GLI2: variants seen among roughly 807,000 people sequenced by gnomAD.
The protein encoded by GLI2 is GLI family zinc finger 2, also known as transcription activator GLI2.
Under a neutral mutation model 78.9 loss-of-function variants are expected in GLI2, and 22 were observed. That is an observed-to-expected ratio of 0.28 (90% CI 0.20 to 0.40). GLI2 has a LOEUF of 0.40. Ranked by LOEUF, GLI2 falls within the 10% of genes least tolerant of loss-of-function variation. The pLI is 1.00. For missense variants in GLI2, 2,097 were observed against 2,213.2 expected (o/e 0.95, Z 1.05); for synonymous variants, 974 against 963.7 (o/e 1.01, Z -0.20).
At chr2:120,802,799 C>T (rs562600769) in intron 2 of GLI2, among the ~76,000 whole-genome samples, 8 of 152,350 alleles carry the variant, frequency 5.3e-5, no homozygotes, top group African/African-American at 1.7e-4. Flanking sequence ...ATGGCCAACG[C>T]CCACCTCTTC....
chr2:120,989,668 C>A lies in GLI2; in HGVS notation c.3703C>A (p.Pro1235Thr), dbSNP rs1334252087. 6.2e-7 allele frequency: 1 copy of A among 1,613,438 alleles called. No individual in the cohort carries two copies. The highest frequency in any genetic ancestry group is 1.7e-5 in the Admixed American group (1 of 60,032). Residue 1235 changes from proline (P) to threonine (T), a missense_variant, in exon 14 of 14, where the codon CCC becomes ACC. Physicochemically the swap from Pro to Thr is conservative, Grantham distance 38. This residue lies in a region of GLI2 where 1,290 missense variants were observed against 1,261.7 expected (regional missense o/e 1.02). Coordinates refer to ENST00000361492, the MANE Select transcript of GLI2 (RefSeq NM_001374353.1). ...SPHACYGQVH[P>T]QLSPSTISGA... ...CCATGCCTGCTATGGCCAAGTCCACCCCCAGCTGAGCCCCAGCACCATCAG... is the reference window on the plus strand; with the variant it reads ...CCATGCCTGCTATGGCCAAGTCCACACCCAGCTGAGCCCCAGCACCATCAG...
At chr2:120,892,126 A>G (rs1357124066) in intron 2 of GLI2, among the ~76,000 whole-genome samples, 1 of 152,050 alleles carries the variant, frequency 6.6e-6, no homozygotes, top group Non-Finnish European at 1.5e-5. Flanking sequence ...TCGGGCCCCC[A>G]TCCACCTCTC....
intron 1 of GLI2, among the ~76,000 whole-genome samples, chr2:120,751,614 G>GA (rs1682876182): frequency 6.6e-6 from 1 of 152,076 alleles, no homozygotes; most frequent in Non-Finnish European, 1.5e-5. Flanking sequence ...TTCTTGAAAA[G>GA]AGGAAAAGAA....
intron 2 of GLI2, among the ~76,000 whole-genome samples, chr2:120,893,698 C>T (rs1236311434): frequency 1.3e-5 from 2 of 151,490 alleles, no homozygotes; most frequent in Non-Finnish European, 2.9e-5. Context: ...CAAGTTCCCC[C>T]CAACCCCCCA....
chr2:120,743,959 C>T (rs1210163757), intron 1 of GLI2, among the ~76,000 whole-genome samples: 1 of 152,242 alleles, frequency 6.6e-6, no homozygotes, highest in East Asian at 1.9e-4. Context: ...CCTCTCCTTG[C>T]TGGCCACTCT....
At chr2:120,974,858 C>A in intron 8 of GLI2, 117 bp from the exon 9 acceptor site, 4 of 1,426,388 alleles carry the variant, frequency 2.8e-6, no homozygotes, top group Non-Finnish European at 4.0e-6. Flanking sequence ...ACACTTGCAT[C>A]CACACCTGTA....
intron 2 of GLI2, among the ~76,000 whole-genome samples, chr2:120,873,822 C>T (rs1254764221): frequency 6.6e-6 from 1 of 152,120 alleles, no homozygotes; most frequent in Non-Finnish European, 1.5e-5. Flanking sequence ...TGAAATGGAC[C>T]GACATAAAAT....
rs968916447 is a variant in GLI2 at position 120,925,122 on chromosome 2, G to A, written c.149-2239G>A. 2.0e-5 allele frequency among the ~76,000 whole-genome samples: 3 copies of A among 152,226 alleles called. No homozygotes were observed. In the East Asian group the frequency reaches 5.8e-4, roughly 29 times the overall value. ...ACAGCCACATGCCCGGCTCACCTGT[G>A]CAGGGCCAGGGCCTCAGAGAAAAGG... On this transcript the variant is annotated intron_variant, in intron 2 of 13. Transcript: ENST00000361492.
At chr2:120,933,284 C>T (rs1680029936) in intron 3 of GLI2, among the ~76,000 whole-genome samples, 1 of 152,162 alleles carries the variant, frequency 6.6e-6, no homozygotes, top group Non-Finnish European at 1.5e-5. Context: ...AAATGCACAG[C>T]AGGCTTGCAT....
chr2:120,967,898 A>G (rs1350179783), intron 5 of GLI2, among the ~76,000 whole-genome samples: 1 of 152,184 alleles, frequency 6.6e-6, no homozygotes, highest in African/African-American at 2.4e-5. Flanking sequence ...CAGGCTGCCC[A>G]GTAGGCTCTG....
At chr2:120,840,382 T>C (rs568478011) in intron 2 of GLI2, among the ~76,000 whole-genome samples, 6 of 152,198 alleles carry the variant, frequency 3.9e-5, no homozygotes, top group African/African-American at 1.4e-4. Flanking sequence ...CTGGTGACTC[T>C]TGTGTGTGTG....
Position 120,797,282 on chromosome 2 carries a change from C to T in GLI2, c.-30-9C>T, listed in dbSNP as rs1412350051. On this transcript the variant is annotated splice_polypyrimidine_tract_variant and intron_variant, in intron 1 of 13. Transcript: ENST00000361492. ...CAGTGTTGGTGAGTGTCTTTGTCTT[C>T]TCTTTTAGGATTGCCACCCAGGACG... 2.1e-5 allele frequency: 34 copies of T among 1,611,738 alleles called. No homozygotes were observed. Among genetic ancestry groups the T allele is most frequent in the Non-Finnish European group, 2.9e-5 (34 of 1,178,184 alleles).
chr2:120,767,614 T>A (rs1490499320), intron 1 of GLI2, among the ~76,000 whole-genome samples: 2 of 152,186 alleles, frequency 1.3e-5, no homozygotes, highest in African/African-American at 2.4e-5. Flanking sequence ...ACGGGAGCAG[T>A]GGGAGCATCT....
chr2:120,868,282 C>T (rs539571676), intron 2 of GLI2, among the ~76,000 whole-genome samples: 1 of 151,290 alleles, frequency 6.6e-6, no homozygotes, highest in South Asian at 2.1e-4. Flanking sequence ...ATGCTGTTTT[C>T]GCGTGAGGAA....
chr2:120,962,674 A>T (rs1681629823), intron 5 of GLI2, among the ~76,000 whole-genome samples: 1 of 152,166 alleles, frequency 6.6e-6, no homozygotes, highest in African/African-American at 2.4e-5. Context: ...AACCATGGGA[A>T]ATGAGTGCCA....
At chr2:120,884,854 C>T (rs889080619) in intron 2 of GLI2, among the ~76,000 whole-genome samples, 2 of 152,286 alleles carry the variant, frequency 1.3e-5, no homozygotes, top group South Asian at 2.1e-4. Flanking sequence ...CATCTGCTCA[C>T]CCCCTGGGCC....
At position 120,859,502 on chromosome 2, in the gene GLI2, T is replaced by A. The variant is rs370426179; in HGVS notation, c.148+62034T>A. Among the ~76,000 whole-genome samples, 9 of 146,466 alleles carry A rather than the reference T, an allele frequency of 6.1e-5. No individual in the cohort carries two copies. In the East Asian group the frequency reaches 1.2e-3, roughly 19 times the overall value. Reference sequence around the variant, plus strand: ...ACAGAGTCTCGCTCTGTCACCAGGCTGGAGTACAGTGGTGCAATCTTGGCT... The same window carrying A: ...ACAGAGTCTCGCTCTGTCACCAGGCAGGAGTACAGTGGTGCAATCTTGGCT... On this transcript the variant is annotated intron_variant, in intron 2 of 13. Coordinates refer to ENST00000361492, the MANE Select transcript of GLI2 (RefSeq NM_001374353.1).
At chr2:120,901,842 A>T (rs185492256) in intron 2 of GLI2, among the ~76,000 whole-genome samples, 1 of 152,218 alleles carries the variant, frequency 6.6e-6, no homozygotes, top group Non-Finnish European at 1.5e-5. Flanking sequence ...ACTGACAAAG[A>T]GTAACTGTTT....
At chr2:120,894,613 G>A (rs865938192) in intron 2 of GLI2, among the ~76,000 whole-genome samples, 2 of 152,098 alleles carry the variant, frequency 1.3e-5, no homozygotes, top group African/African-American at 4.8e-5. Flanking sequence ...AACCCTTGGG[G>A]GGGGGTACCA....
Sources: gnomAD v4.1 joint callset for allele counts (sites outside exome capture counted in the v4.1 genomes callset) on GRCh38, gnomAD v4.1.1 for gene constraint, gnomAD v4.1.1 regional missense constraint, MANE v1.5 for transcripts, NCBI Gene and HGNC (gene_info 2026-07-23, HGNC 2026-07-21) for gene names.